GRIN2A: variants seen among roughly 807,000 people sequenced by gnomAD.
GRIN2A encodes the protein glutamate ionotropic receptor NMDA type subunit 2A.
Under a neutral mutation model 113.4 loss-of-function variants are expected in GRIN2A, and 22 were observed. The observed-to-expected ratio is 0.19, with a 90% CI of 0.14 to 0.28. The LOEUF (loss-of-function observed/expected upper bound fraction) is 0.28, where lower values mean the gene tolerates loss of function less well. Among genes scored for constraint, GRIN2A ranks in the 10% least tolerant of loss-of-function variants. The probability of loss-of-function intolerance (pLI) is 1.00; values close to 1 mark genes in which losing one functional copy is unlikely to be tolerated. For synonymous variants in GRIN2A, 827 were observed against 738.4 expected (o/e 1.12, Z -1.94); for missense variants, 1,502 against 1,887.0 (o/e 0.80, Z 3.78).
At chr16:10,170,118 A>G (rs1191753253) in intron 2 of GRIN2A, among the ~76,000 whole-genome samples, 1 of 152,236 alleles carries the variant, frequency 6.6e-6, no homozygotes, top group African/African-American at 2.4e-5. Flanking sequence ...CTGTCTAAAG[A>G]CATTAAAATT....
chr16:9,865,219 G>T (rs745425114), intron 4 of GRIN2A, among the ~76,000 whole-genome samples: 2 of 152,156 alleles, frequency 1.3e-5, no homozygotes, highest in South Asian at 4.1e-4. Context: ...TAAGGCACTG[G>T]GGGAAGAGGA....
intron 11 of GRIN2A, among the ~76,000 whole-genome samples, chr16:9,788,742 T>TC (rs201324966): frequency 0.065 from 4,423 of 68,086 alleles, 303 homozygotes; most frequent in African/African-American, 0.26. Context: ...TAAGTCTTCT[T>TC]TTTTTTTTTT....
intron 2 of GRIN2A, among the ~76,000 whole-genome samples, chr16:9,997,310 C>A (rs2046242464): frequency 6.6e-6 from 1 of 152,290 alleles, no homozygotes; most frequent in East Asian, 1.9e-4. Flanking sequence ...TCCCAATGTT[C>A]CCACTCCAAA....
At chr16:10,061,709 CAA>C (rs1373044852) in intron 2 of GRIN2A, among the ~76,000 whole-genome samples, 3 of 152,044 alleles carry the variant, frequency 2.0e-5, no homozygotes, top group African/African-American at 7.2e-5. Context: ...GCAAAGGCAA[CAA>C]AAAAGTCACA....
At chr16:10,069,481 G>C (rs1454539836) in intron 2 of GRIN2A, among the ~76,000 whole-genome samples, 1 of 152,180 alleles carries the variant, frequency 6.6e-6, no homozygotes, top group Non-Finnish European at 1.5e-5. Flanking sequence ...GACTACACAA[G>C]ATGCAGTCCC....
rs537250670 is a variant in GRIN2A, at chr16:9,907,439, G to C, written c.1008-16339C>G. Among the ~76,000 whole-genome samples, 65 of 152,204 alleles carry C rather than the reference G, an allele frequency of 4.3e-4. 1 individual carries two copies. The highest frequency in any genetic ancestry group is 1.4e-3 in the African/African-American group (58 of 41,524). ...CCCAAAACTACAGACACAGAGAAGAGATCAGTGATTGTGTGACTAGAGCAG... is the reference window on the plus strand; with the variant it reads ...CCCAAAACTACAGACACAGAGAAGACATCAGTGATTGTGTGACTAGAGCAG... On this transcript the variant is annotated intron_variant, in intron 3 of 12. Coordinates refer to ENST00000330684, the MANE Select transcript of GRIN2A (RefSeq NM_001134407.3).
chr16:9,965,692 A>T (rs1248687190), intron 2 of GRIN2A, among the ~76,000 whole-genome samples: 1 of 152,188 alleles, frequency 6.6e-6, no homozygotes, highest in East Asian at 1.9e-4. Flanking sequence ...GGAATTAAGG[A>T]ATAAATGAAT....
intron 2 of GRIN2A, among the ~76,000 whole-genome samples, chr16:10,058,127 G>C (rs1342596884): frequency 2.6e-5 from 4 of 151,852 alleles, no homozygotes; most frequent in African/African-American, 9.7e-5. Context: ...TGGTGGTGCA[G>C]ACCTGTAATT....
At chr16:9,918,599 C>T (rs558866260) in intron 3 of GRIN2A, among the ~76,000 whole-genome samples, 30 of 152,180 alleles carry the variant, frequency 2.0e-4, no homozygotes, top group Admixed American at 1.6e-3. Context: ...CTAACATATA[C>T]GAAGCACAAA....
At chr16:9,884,194 TAA>T (rs1037292875) in intron 4 of GRIN2A, among the ~76,000 whole-genome samples, 1 of 152,226 alleles carries the variant, frequency 6.6e-6, no homozygotes, top group Non-Finnish European at 1.5e-5. Flanking sequence ...AACAAATTTT[TAA>T]AAGCTAGCCT....
chr16:10,169,187 A>C (rs2049987635), intron 2 of GRIN2A, among the ~76,000 whole-genome samples: 1 of 152,090 alleles, frequency 6.6e-6, no homozygotes, highest in African/African-American at 2.4e-5. Flanking sequence ...AATATATTTC[A>C]TTTAGAGTCT....
At chr16:10,043,892 T>C (rs1248758400) in intron 2 of GRIN2A, among the ~76,000 whole-genome samples, 1 of 151,564 alleles carries the variant, frequency 6.6e-6, no homozygotes, top group African/African-American at 2.4e-5. Context: ...CACACACATA[T>C]ATATATACAC....
chr16:9,939,899 G>A (rs2044821194), intron 2 of GRIN2A, among the ~76,000 whole-genome samples: 3 of 152,044 alleles, frequency 2.0e-5, no homozygotes, highest in Admixed American at 1.3e-4. Context: ...TTCTTTCAGG[G>A]AACTGAAAGA....
intron 2 of GRIN2A, among the ~76,000 whole-genome samples, chr16:10,043,925 A>G (rs2047210092): frequency 6.6e-6 from 1 of 150,802 alleles, no homozygotes; most frequent in Non-Finnish European, 1.5e-5. Context: ...ACGTATAAAT[A>G]TGTGTGTATA....
intron 4 of GRIN2A, among the ~76,000 whole-genome samples, chr16:9,862,310 T>C (rs2043083520): frequency 2.0e-5 from 3 of 152,188 alleles, no homozygotes; most frequent in Admixed American, 2.0e-4. Flanking sequence ...CAGCTCACAT[T>C]GGAGAAGTAG....
intron 2 of GRIN2A, among the ~76,000 whole-genome samples, chr16:10,102,682 G>C (rs978020560): frequency 4.6e-5 from 7 of 152,088 alleles, no homozygotes; most frequent in Admixed American, 2.6e-4. Flanking sequence ...AAGTAGCTGG[G>C]ATTACAGGCA....
intron 2 of GRIN2A, among the ~76,000 whole-genome samples, chr16:9,938,942 G>A (rs965823896): frequency 1.3e-5 from 2 of 152,090 alleles, no homozygotes; most frequent in African/African-American, 4.8e-5. Context: ...AGCAAAGACA[G>A]TTTTCTAACG....
At chr16:9,810,099 G>A (rs2042058048) in intron 10 of GRIN2A, among the ~76,000 whole-genome samples, 1 of 152,128 alleles carries the variant, frequency 6.6e-6, no homozygotes, top group Non-Finnish European at 1.5e-5. Flanking sequence ...TGGAGTGAGG[G>A]CTACCTAAAC....
chr16:9,895,666 A>G (rs1258187546), intron 3 of GRIN2A, among the ~76,000 whole-genome samples: 1 of 152,238 alleles, frequency 6.6e-6, no homozygotes, highest in Admixed American at 6.5e-5. Context: ...GAATTTCAGT[A>G]CAAAAACTAC....
Sources: allele counts gnomAD v4.1 joint callset (sites outside exome capture counted in the v4.1 genomes callset), GRCh38; gene constraint gnomAD v4.1.1; transcripts MANE v1.5; gene names NCBI Gene and HGNC (gene_info 2026-07-23, HGNC 2026-07-21).